The following NTAQ1 variants were observed in gnomAD, a reference collection of about 807,000 sequenced individuals.
The protein encoded by NTAQ1 is protein N-terminal glutamine amidohydrolase.
A neutral mutation model predicts 28.2 loss-of-function variants in NTAQ1; 21 were observed. That is an observed-to-expected ratio of 0.74 (90% CI 0.53 to 1.07). The LOEUF is 1.07. Among genes scored for constraint, NTAQ1 ranks in the 50% least tolerant of loss-of-function variants. The probability of loss-of-function intolerance (pLI) is 0.00; values close to 1 mark genes in which losing one functional copy is unlikely to be tolerated. For missense variants in NTAQ1, 264 were observed against 256.6 expected, an observed-to-expected ratio of 1.03 and a Z score of -0.20; for synonymous variants, 105 against 90.0, an observed-to-expected ratio of 1.17 and a Z score of -0.94.
chr8:123,428,054 CAA>C (rs777071202), intron 2 of NTAQ1, 31 bp downstream of exon 2: 6 of 1,460,220 alleles, frequency 4.1e-6, no homozygotes, highest in Middle Eastern at 3.5e-4. Context: ...AGAAAGAAAA[CAA>C]GAGATTTAGG....
chr8:123,469,152 T>A (rs1048216775), exon 7 of NTAQ1, among the ~76,000 whole-genome samples: 21 of 152,230 alleles, frequency 1.4e-4, no homozygotes, highest in Non-Finnish European at 2.9e-4. Flanking sequence ...TGAGCATATT[T>A]TCTTCAATTC....
chr8:123,436,167 C>T (rs1814696432), intron 3 of NTAQ1, among the ~76,000 whole-genome samples: 1 of 84,918 alleles, frequency 1.2e-5, no homozygotes, highest in African/African-American at 4.2e-5. Flanking sequence ...AAGACTCCAT[C>T]TCAAAAAAAA....
At position 123,441,363 on chromosome 8, in the gene NTAQ1, C is replaced by T; in HGVS notation, c.566C>T (p.Ala189Val). ...ATGGATCCCAAGGTAGGATGGGGCG[C>T]CGTCTACACACTATCCGAATTTACA... ...ISMDPKVGWGAVYTLSEFTHR... is the reference protein window; with the variant it reads ...ISMDPKVGWGVVYTLSEFTHR... The change falls in exon 6 of 6, where the codon GCC becomes GTC. Residue 189 changes from alanine (A) to valine (V), a missense_variant. Coordinates refer to ENST00000287387, the MANE Select transcript of NTAQ1 (RefSeq NM_018024.3). The T allele has an allele frequency of 6.2e-7, 1 of 1,612,094 alleles. No homozygotes were observed. The highest frequency in any genetic ancestry group is 1.7e-5 in the Admixed American group (1 of 59,902).
intron 2 of NTAQ1, among the ~76,000 whole-genome samples, chr8:123,428,739 T>G (rs1242884028): frequency 6.6e-6 from 1 of 152,032 alleles, no homozygotes. Context: ...TAGCTGGGAC[T>G]ACAGGTGTCC....
At chr8:123,470,427 A>G (rs1816030110), downstream of NTAQ1, among the ~76,000 whole-genome samples, 1 of 152,216 alleles carries the variant, frequency 6.6e-6, no homozygotes. Context: ...AATAAAAGGG[A>G]TGAGGCCCTA....
chr8:123,441,657 C>G lies in NTAQ1; in HGVS notation c.*242C>G. 4.1e-6 allele frequency: 2 copies of G among 487,910 alleles called. No homozygotes were observed. Among genetic ancestry groups the G allele is most frequent in the Non-Finnish European group, 7.4e-6 (2 of 270,174 alleles). The allele number at this position is 487,910 out of a possible 1,614,324, so 30.2% of individuals were successfully genotyped here. ...TGCTAAGATATTCCTGTGGCTCATG[C>G]GTTACAACACGAGGACTTAAGCCAG... On this transcript the variant is annotated 3_prime_UTR_variant, in exon 6 of 6. Coordinates refer to ENST00000287387, the MANE Select transcript of NTAQ1 (RefSeq NM_018024.3).
chr8:123,466,416 C>T (rs1035354830), intron 6 of NTAQ1, among the ~76,000 whole-genome samples: 2 of 152,166 alleles, frequency 1.3e-5, no homozygotes, highest in African/African-American at 2.4e-5. Flanking sequence ...ACTACTTTCC[C>T]CTCACCTCCC....
At chr8:123,463,805 C>T (rs1446856279) in intron 6 of NTAQ1, among the ~76,000 whole-genome samples, 1 of 152,164 alleles carries the variant, frequency 6.6e-6, no homozygotes. Flanking sequence ...CCAGAGACCT[C>T]TAGAGCTGGG....
downstream of NTAQ1, among the ~76,000 whole-genome samples, chr8:123,445,137 C>T (rs1394075821): frequency 6.6e-6 from 1 of 151,944 alleles, no homozygotes; most frequent in Non-Finnish European, 1.5e-5. Context: ...GTAAACTTCC[C>T]TCCTGCTTTG....
chr8:123,463,986 T>A (rs1283402068), intron 6 of NTAQ1, among the ~76,000 whole-genome samples: 1 of 152,204 alleles, frequency 6.6e-6, no homozygotes, highest in Non-Finnish European at 1.5e-5. Flanking sequence ...GATGGTTTTA[T>A]AAAGGGGACT....
chr8:123,458,742 T>C (rs1314506603), intron 6 of NTAQ1, among the ~76,000 whole-genome samples: 4 of 150,832 alleles, frequency 2.7e-5, no homozygotes, highest in African/African-American at 9.7e-5. Context: ...TGCCTCAGCC[T>C]CCCGAGTAGC....
chr8:123,468,623 T>C (rs1014853666), exon 7 of NTAQ1, among the ~76,000 whole-genome samples: 1 of 152,240 alleles, frequency 6.6e-6, no homozygotes, highest in African/African-American at 2.4e-5. Flanking sequence ...ACATTTAGGT[T>C]CCATCCACCT....
chr8:123,465,835 G>A (rs1043779738), intron 6 of NTAQ1, among the ~76,000 whole-genome samples: 8 of 151,870 alleles, frequency 5.3e-5, no homozygotes, highest in Non-Finnish European at 7.4e-5. Context: ...CACCCACCTC[G>A]GCCTCCCAAA....
chr8:123,442,848 A>C (rs1815131200), downstream of NTAQ1, among the ~76,000 whole-genome samples: 1 of 133,246 alleles, frequency 7.5e-6, no homozygotes, highest in Non-Finnish European at 1.6e-5. Flanking sequence ...TTTGTATTTT[A>C]GTAGAGACGT....
downstream of NTAQ1, among the ~76,000 whole-genome samples, chr8:123,471,897 A>G (rs1462860007): frequency 6.6e-6 from 1 of 152,242 alleles, no homozygotes; most frequent in Non-Finnish European, 1.5e-5. Flanking sequence ...GACCCAGTTA[A>G]GTTGACACGT....
chr8:123,473,123 G>A (rs1816058266), downstream of NTAQ1, among the ~76,000 whole-genome samples: 1 of 152,134 alleles, frequency 6.6e-6, no homozygotes, highest in African/African-American at 2.4e-5. Flanking sequence ...GTCTCATTTG[G>A]TGGTTGCATG....
At chr8:123,449,030 CTG>C (rs1815385502), downstream of NTAQ1, among the ~76,000 whole-genome samples, 1 of 152,160 alleles carries the variant, frequency 6.6e-6, no homozygotes, top group Non-Finnish European at 1.5e-5. Context: ...GCACCCTTAC[CTG>C]TACTCTCTTA....
In NTAQ1 at chr8:123,429,990, T is replaced by C. The variant is rs1485900400; in HGVS notation, c.191T>C (p.Ile64Thr). The stretch of plus-strand genomic sequence containing the variant: ...ATGTATTGTATTTTGTAGATACCTA[T>C]CTGGAAACAACAGGCGAGACCTGGA... Reference protein sequence around the residue: ...FISNERKMIPIWKQQARPGDG... With the variant: ...FISNERKMIPTWKQQARPGDG... Residue 64 changes from isoleucine to threonine, a missense_variant, in exon 3 of 6, where the codon ATC becomes ACC. Transcript: ENST00000287387. 15 of 1,611,988 alleles carry C rather than the reference T, an allele frequency of 9.3e-6. No homozygotes were observed. The highest frequency in any genetic ancestry group is 1.3e-5 in the Non-Finnish European group (15 of 1,178,922).
At chr8:123,425,050 G>A (rs1371182323) in intron 1 of NTAQ1, among the ~76,000 whole-genome samples, 1 of 152,128 alleles carries the variant, frequency 6.6e-6, no homozygotes, top group South Asian at 2.1e-4. Flanking sequence ...AAATTTTATT[G>A]TGACGTAATA....
Sources: allele counts gnomAD v4.1 joint callset (sites outside exome capture counted in the v4.1 genomes callset), GRCh38; gene constraint gnomAD v4.1.1; transcripts MANE v1.5; gene names NCBI Gene and HGNC (gene_info 2026-07-23, HGNC 2026-07-21).